Variants in USP10 observed in about 807,000 individuals in gnomAD.
USP10 encodes ubiquitin specific peptidase 10, also known as ubiquitin carboxyl-terminal hydrolase 10.
USP10 carries 22 observed loss-of-function variants against 84.5 expected under a neutral mutation model. The ratio of observed to expected loss-of-function variants is 0.26; its 90% CI spans 0.19 to 0.37. The LOEUF (loss-of-function observed/expected upper bound fraction) is 0.37, where lower values mean the gene tolerates loss of function less well. Among genes scored for constraint, USP10 ranks in the 10% least tolerant of loss-of-function variants. The probability of loss-of-function intolerance (pLI) is 1.00; values close to 1 mark genes in which losing one functional copy is unlikely to be tolerated. For synonymous variants in USP10, 454 were observed against 387.6 expected (o/e 1.17, Z -2.01); for missense variants, 1,019 against 998.9 (o/e 1.02, Z -0.27).
At chr16:84,705,982 A>T (rs1049638037) in intron 1 of USP10, among the ~76,000 whole-genome samples, 1 of 152,080 alleles carries the variant, frequency 6.6e-6, no homozygotes, top group East Asian at 1.9e-4. Context: ...TTGGCCTCCC[A>T]AAGTGCTGGG....
At chr16:84,711,680 C>T (rs1906313506) in intron 1 of USP10, among the ~76,000 whole-genome samples, 1 of 150,652 alleles carries the variant, frequency 6.6e-6, no homozygotes, top group African/African-American at 2.4e-5. Context: ...AACTTTTCTT[C>T]CACCTATAAC....
rs192473038 is a variant in USP10 at position 84,702,869 on chromosome 16, T to C, written c.21+2758T>C. Among the ~76,000 whole-genome samples the C allele has an allele frequency of 2.2e-3, 326 of 151,606 alleles. 7 individuals are homozygous for C. Among genetic ancestry groups the C allele is most frequent in the East Asian group, 9.7e-4 (5 of 5,148 alleles). ...TTAGCCGAGTGTGGTGAAGCTCGCC[T>C]GTAGTCCCAGGTACTTGGGAGGCTG... On this transcript the variant is annotated intron_variant, in intron 1 of 13. Coordinates refer to ENST00000219473, the MANE Select transcript of USP10 (RefSeq NM_005153.3).
At position 84,700,020 on chromosome 16, in the gene USP10, G is replaced by T. The variant is rs1904623579; in HGVS notation, c.-71G>T. On this transcript the variant is annotated 5_prime_UTR_variant, in exon 1 of 14. An upstream open reading frame in the 5' UTR gains an earlier in-frame stop. Transcript: ENST00000219473. ...GATGCGAGTGTGTATGTGCGGGCGAGAAGATGGCGGCGGCGGGGGAAGCAG... is the reference window on the plus strand; with the variant it reads ...GATGCGAGTGTGTATGTGCGGGCGATAAGATGGCGGCGGCGGGGGAAGCAG... The T allele has an allele frequency of 1.5e-6, 2 of 1,320,846 alleles. No homozygotes were observed. The allele number at this position is 1,320,846 out of a possible 1,614,324, so 81.8% of individuals were successfully genotyped here.
intron 1 of USP10, among the ~76,000 whole-genome samples, chr16:84,712,277 G>A (rs533375706): frequency 6.6e-6 from 1 of 152,310 alleles, no homozygotes; most frequent in South Asian, 2.1e-4. Context: ...CCTGAGAGTA[G>A]CGGAAGGAAG....
intron 13 of USP10, among the ~76,000 whole-genome samples, chr16:84,776,321 AG>A (rs72528199): frequency 9.0e-3 from 286 of 31,920 alleles, no homozygotes; most frequent in Middle Eastern, 0.044. Flanking sequence ...GTGGGGGCCC[AG>A]GGGTGAGGGC....
intron 1 of USP10, among the ~76,000 whole-genome samples, chr16:84,708,215 C>T (rs1426278373): frequency 2.0e-5 from 3 of 151,948 alleles, no homozygotes; most frequent in Non-Finnish European, 2.9e-5. Flanking sequence ...TTTGGGAGGT[C>T]GAGGTGGGTG....
At chr16:84,735,736 A>G (rs1397173884) in intron 2 of USP10, among the ~76,000 whole-genome samples, 1 of 152,108 alleles carries the variant, frequency 6.6e-6, no homozygotes, top group South Asian at 2.1e-4. Context: ...CAGAACTCGT[A>G]GTGTGTGTGG....
rs141603150 is a variant in USP10, at chr16:84,744,046, TTTG to T, written c.152-565_152-563del. 7.5e-3 allele frequency among the ~76,000 whole-genome samples: 1,139 copies of T among 151,612 alleles called. 14 individuals are homozygous for T. Among genetic ancestry groups the T allele is most frequent in the African/African-American group, 0.025 (1,048 of 41,396 alleles). On this transcript the variant is annotated intron_variant, in intron 3 of 13. Coordinates refer to ENST00000219473, the MANE Select transcript of USP10 (RefSeq NM_005153.3). ...AAGTGCGCTTTTATATATAGGATTC[TTTG>T]TTGTTGTTGTTGTTGTTGTTGAATC...
At chr16:84,772,833 G>T in intron 12 of USP10, 148 bp downstream of exon 12, 1 of 1,114,306 alleles carries the variant, frequency 9.0e-7, no homozygotes, top group Non-Finnish European at 1.2e-6. Context: ...ACTTGTAATA[G>T]ACCTTAATAC....
In USP10 at chr16:84,775,216, C is replaced by G; in HGVS notation, c.2200C>G (p.Leu734Val). 1 of 1,613,696 alleles carries G rather than the reference C, an allele frequency of 6.2e-7. No homozygotes were observed. The highest frequency in any genetic ancestry group is 8.5e-7 in the Non-Finnish European group (1 of 1,179,608). ...KNFKCHRTYRLFAVVYHHGNS... is the reference protein window; with the variant it reads ...KNFKCHRTYRVFAVVYHHGNS... ...TTTTAAATGCCACCGAACCTATCGG[C>G]TCTTTGCAGGTGAGTAAATTTGTAC... Residue 734 changes from leucine (L) to valine (V), a missense_variant, in exon 13 of 14, where the codon CTC (leucine) becomes GTC (valine). Leu to Val is a conservative substitution (Grantham distance 32). Coordinates refer to ENST00000219473, the MANE Select transcript of USP10 (RefSeq NM_005153.3).
intron 13 of USP10, among the ~76,000 whole-genome samples, chr16:84,777,857 T>C (rs527931810): frequency 1.4e-4 from 22 of 152,348 alleles, no homozygotes; most frequent in Admixed American, 9.1e-4. Context: ...CCACTGATGG[T>C]GGGCGCAGCT....
rs1367178729 is a variant in USP10 at position 84,745,145 on chromosome 16, A to G, written c.664A>G (p.Ile222Val). Residue 222 changes from isoleucine (I) to valine (V), a missense_variant, in exon 4 of 14, where the codon ATT (isoleucine) becomes GTT (valine). Ile to Val is a conservative substitution (Grantham distance 29). Around this residue, in one of 2 missense-constraint regions of USP10, gnomAD observed 787 missense variants for 708.8 expected, o/e 1.11. Transcript: ENST00000219473. ...GAACTCCACAGACTCTGTCAGTGACATTGTGCCTGACAGTCCTTTCCCCGG... is the reference window on the plus strand; with the variant it reads ...GAACTCCACAGACTCTGTCAGTGACGTTGTGCCTGACAGTCCTTTCCCCGG... ...PQNSTDSVSD[I>V]VPDSPFPGAL... The G allele has an allele frequency of 3.1e-6, 5 of 1,613,494 alleles. No individual in the cohort carries two copies. In the South Asian group the frequency reaches 3.3e-5, roughly 11 times the overall value.
intron 1 of USP10, among the ~76,000 whole-genome samples, chr16:84,704,195 T>G (rs749576805): frequency 6.6e-6 from 1 of 152,080 alleles, no homozygotes; most frequent in South Asian, 2.1e-4. Flanking sequence ...AGATATAATT[T>G]CAGACATGTA....
Position 84,744,982 on chromosome 16 carries a change from C to T in USP10, c.501C>T (p.Gly167=), listed in dbSNP as rs527742941. 14 of 1,613,746 alleles carry T rather than the reference C, an allele frequency of 8.7e-6. No individual in the cohort carries two copies. In the South Asian group the frequency reaches 1.2e-4, roughly 14 times the overall value. ...ATTACAGCTATTTGAAAGATGGTGG[C>T]GATGATAGTATCTCCACAGAAGCCC... is the stretch of plus-strand genomic sequence containing the variant. The part of the protein sequence containing the change: ...PGYYSYLKDG[G]DDSISTEALV... Residue 167 remains glycine, a synonymous_variant, in exon 4 of 14, where the codon GGC becomes GGT. Transcript: ENST00000219473.
chr16:84,739,263 TTTTTG>T (rs1007666915), intron 2 of USP10, among the ~76,000 whole-genome samples: 1 of 150,836 alleles, frequency 6.6e-6, no homozygotes, highest in Non-Finnish European at 1.5e-5. Context: ...GTTTGTTTTT[TTTTTG>T]TTTTGTTTTG....
At chr16:84,735,198 TGTGTG>T (rs1310436358) in intron 2 of USP10, among the ~76,000 whole-genome samples, 1 of 28,226 alleles carries the variant, frequency 3.5e-5, no homozygotes, top group African/African-American at 1.3e-4. Flanking sequence ...GCCCGGGTGG[TGTGTG>T]TGTGTGTGTG....
chr16:84,700,862 G>T (rs1484488721), intron 1 of USP10, among the ~76,000 whole-genome samples: 2 of 152,052 alleles, frequency 1.3e-5, no homozygotes, highest in African/African-American at 4.8e-5. Flanking sequence ...TGGGAGATGT[G>T]CGTGTAGAGT....
intron 1 of USP10, among the ~76,000 whole-genome samples, chr16:84,727,187 ATTG>A (rs1908607870): frequency 6.6e-6 from 1 of 152,186 alleles, no homozygotes; most frequent in Non-Finnish European, 1.5e-5. Flanking sequence ...TGTGAACTGA[ATTG>A]TTCTGTATTT....
chr16:84,737,801 TGAG>T (rs1425021833), intron 2 of USP10, among the ~76,000 whole-genome samples: 5 of 152,148 alleles, frequency 3.3e-5, no homozygotes, highest in South Asian at 2.1e-4. Flanking sequence ...CCAGAGTTGT[TGAG>T]GAGCAGGATG....
Sources: gnomAD v4.1 joint callset for allele counts (sites outside exome capture counted in the v4.1 genomes callset) on GRCh38, gnomAD v4.1.1 for gene constraint, gnomAD v4.1.1 regional missense constraint, MANE v1.5 for transcripts, NCBI Gene and HGNC (gene_info 2026-07-23, HGNC 2026-07-21) for gene names.